The following PSAP variants were observed in gnomAD, a reference collection of about 807,000 sequenced individuals.
The protein encoded by PSAP is precursor of saposins.
A neutral mutation model predicts 66.0 loss-of-function variants in PSAP; 25 were observed. The ratio of observed to expected loss-of-function variants is 0.38; its 90% CI spans 0.28 to 0.53. The LOEUF (loss-of-function observed/expected upper bound fraction) is 0.53. PSAP is among the 20% of genes least tolerant of loss of function. PSAP has a pLI of 0.83. For missense variants in PSAP, 649 were observed against 668.8 expected (o/e 0.97, Z 0.33); for synonymous variants, 273 against 258.9 (o/e 1.05, Z -0.52).
rs149311093 is a variant in PSAP at position 71,850,922 on chromosome 10, A to C, written c.40+260T>G. Among the ~76,000 whole-genome samples, 398 of 152,372 alleles carry C rather than the reference A, an allele frequency of 2.6e-3. 1 individual carries two copies. The highest frequency in any genetic ancestry group is 4.0e-3 in the Non-Finnish European group (272 of 68,042). On this transcript the variant is annotated intron_variant, in intron 1 of 13. Coordinates refer to ENST00000394936, the MANE Select transcript of PSAP (RefSeq NM_002778.4). ...GAAGGCCTCGGGGCCCCAGCCGCGC[A>C]GGAACCCACTCGAGCCCCGAAGGAG...
intron 2 of PSAP, 86 bp downstream of exon 2, chr10:71,834,286 T>G: frequency 2.5e-6 from 4 of 1,596,962 alleles, no homozygotes; most frequent in Non-Finnish European, 3.4e-6. Context: ...GAAAAAGTGC[T>G]CTGTCAATAT....
chr10:71,819,155 C>T (rs536532228), intron 11 of PSAP, 44 bp from the exon 12 acceptor site: 10 of 1,544,856 alleles, frequency 6.5e-6, no homozygotes, highest in East Asian at 2.3e-5. Flanking sequence ...TGGGGGTGTC[C>T]GAGCATAGTG....
chr10:71,840,024 A>C (rs112407289), intron 1 of PSAP, among the ~76,000 whole-genome samples: 10 of 152,370 alleles, frequency 6.6e-5, no homozygotes, highest in African/African-American at 2.2e-4. Flanking sequence ...AGTACACAAC[A>C]TAATCACCAA....
intron 1 of PSAP, among the ~76,000 whole-genome samples, chr10:71,848,724 G>A (rs1842870650): frequency 6.6e-6 from 1 of 152,174 alleles, no homozygotes; most frequent in African/African-American, 2.4e-5. Context: ...CAGTCACCAG[G>A]CACTTTCACT....
chr10:71,836,480 C>G (rs889783133), intron 1 of PSAP, among the ~76,000 whole-genome samples: 9 of 152,092 alleles, frequency 5.9e-5, no homozygotes, highest in Non-Finnish European at 1.0e-4. Flanking sequence ...GCCCTGGGCC[C>G]CTAGGACTCT....
In PSAP at chr10:71,817,084, G is replaced by C; in HGVS notation, c.*357C>G. 2.4e-6 allele frequency: 1 copy of C among 411,040 alleles called. No homozygotes were observed. Among genetic ancestry groups the C allele is most frequent in the South Asian group, 2.3e-5 (1 of 44,046 alleles). 25.5% of individuals were successfully genotyped at this position (411,040 alleles called of 1,614,324 possible). On this transcript the variant is annotated 3_prime_UTR_variant, in exon 14 of 14. Transcript: ENST00000394936. ...CACCAGTGCCCAAGCACATGTCAGG[G>C]CTCAGAACAAGGCCTCAACCAAGAG... is the stretch of plus-strand genomic sequence containing the variant.
At position 71,834,498 on chromosome 10, in the gene PSAP, G is replaced by A. The variant is rs199808371; in HGVS notation, c.48C>T (p.Ala16=). ...ATTCTTTCAGTCCAAGGACCGGGCC[G>A]GCTAGAGCTAAAATGAAAACCAACG... ...LLASLLGAAL[A]GPVLGLKECT... The change falls in exon 2 of 14, where the codon GCC becomes GCT. Residue 16 remains alanine, a synonymous_variant. Coordinates refer to ENST00000394936, the MANE Select transcript of PSAP (RefSeq NM_002778.4). 2.7e-5 allele frequency: 44 copies of A among 1,613,846 alleles called. No homozygotes were observed. Among genetic ancestry groups the A allele is most frequent in the East Asian group, 2.0e-4 (9 of 44,880 alleles).
intron 1 of PSAP, among the ~76,000 whole-genome samples, chr10:71,837,755 G>A (rs997461200): frequency 2.0e-5 from 3 of 152,222 alleles, no homozygotes; most frequent in South Asian, 2.1e-4. Flanking sequence ...TCCTCAAAAC[G>A]AAATTGGAAT....
At chr10:71,821,134 T>TC (rs1564816140) in intron 8 of PSAP, among the ~76,000 whole-genome samples, 1 of 152,216 alleles carries the variant, frequency 6.6e-6, no homozygotes, top group Non-Finnish European at 1.5e-5. Flanking sequence ...AGCTGACACT[T>TC]CGGCCTGGCC....
Position 71,816,426 on chromosome 10 carries a change from C to G in PSAP, c.*1015G>C. The G allele has an allele frequency of 2.1e-6, 1 of 471,244 alleles. No individual in the cohort carries two copies. The highest frequency in any genetic ancestry group is 1.5e-5 in the South Asian group (1 of 64,578). The allele number at this position is 471,244 out of a possible 1,614,324, so 29.2% of individuals were successfully genotyped here. ...CTGTCTCCTGGCAACCAGAAGTGGACAGAAGCGTGGGTGCCCAAGTGGGCC... is the reference window on the plus strand; with the variant it reads ...CTGTCTCCTGGCAACCAGAAGTGGAGAGAAGCGTGGGTGCCCAAGTGGGCC... On this transcript the variant is annotated 3_prime_UTR_variant, in exon 14 of 14. Transcript: ENST00000394936.
chr10:71,849,188 T>C (rs1842878874), intron 1 of PSAP, among the ~76,000 whole-genome samples: 1 of 152,238 alleles, frequency 6.6e-6, no homozygotes, highest in African/African-American at 2.4e-5. Context: ...ATGGAATAAC[T>C]GCAGTATAAG....
At chr10:71,832,468 G>A (rs909980235) in intron 2 of PSAP, among the ~76,000 whole-genome samples, 4 of 152,216 alleles carry the variant, frequency 2.6e-5, no homozygotes, top group African/African-American at 9.6e-5. Context: ...CCTTGGGGAA[G>A]AATGCCCAGG....
At chr10:71,831,520 A>G (rs888521698) in intron 3 of PSAP, among the ~76,000 whole-genome samples, 24 of 152,332 alleles carry the variant, frequency 1.6e-4, no homozygotes, top group African/African-American at 5.8e-4. Context: ...GGACCTAGGT[A>G]TTAGTGGCAT....
intron 4 of PSAP, 129 bp downstream of exon 4, chr10:71,830,997 T>C (rs939924485): frequency 7.1e-6 from 10 of 1,406,558 alleles, no homozygotes; most frequent in South Asian, 1.2e-5. Context: ...TGTCAAATTG[T>C]AGCAAAATGC....
At chr10:71,846,214 C>T (rs1321225194) in intron 1 of PSAP, among the ~76,000 whole-genome samples, 3 of 152,142 alleles carry the variant, frequency 2.0e-5, no homozygotes, top group Non-Finnish European at 4.4e-5. Flanking sequence ...GTTTAAGCAA[C>T]TTGCCCAAGG....
chr10:71,829,146 G>A, intron 4 of PSAP, 69 bp from the exon 5 acceptor site: 1 of 1,407,366 alleles, frequency 7.1e-7, no homozygotes, highest in South Asian at 1.2e-5. Flanking sequence ...GCCATCTAGT[G>A]CCTCTGAATT....
intron 1 of PSAP, among the ~76,000 whole-genome samples, chr10:71,842,794 C>T (rs527357683): frequency 2.0e-5 from 3 of 152,248 alleles, no homozygotes; most frequent in South Asian, 2.1e-4. Context: ...ACTTCATTTG[C>T]GCCCAAAGTC....
chr10:71,835,454 C>T (rs1433586362), intron 1 of PSAP, among the ~76,000 whole-genome samples: 2 of 151,808 alleles, frequency 1.3e-5, no homozygotes, highest in Admixed American at 6.6e-5. Context: ...CACCTGTGAT[C>T]CCAGCTACTC....
intron 7 of PSAP, chr10:71,825,570 CTGGCCTGAACGG>C: frequency 1.9e-6 from 1 of 532,828 alleles, no homozygotes; most frequent in Non-Finnish European, 3.6e-6. Flanking sequence ...AACCTGATGG[CTGGCCTGAACGG>C]GCAGAGGCAA....
Sources: allele counts gnomAD v4.1 joint callset (sites outside exome capture counted in the v4.1 genomes callset), GRCh38; gene constraint gnomAD v4.1.1; transcripts MANE v1.5; gene names NCBI Gene and HGNC (gene_info 2026-07-23, HGNC 2026-07-21).